The following SPAG17 variants were observed in gnomAD, a reference collection of about 807,000 sequenced individuals.
SPAG17 encodes sperm associated antigen 17.
SPAG17 carries 169 observed loss-of-function variants against 273.6 expected under a neutral mutation model. The ratio of observed to expected loss-of-function variants is 0.62; its 90% CI spans 0.55 to 0.70. The LOEUF is 0.70. SPAG17 is among the 30% of genes least tolerant of loss of function. The probability of loss-of-function intolerance (pLI) is 0.00; values close to 1 mark genes in which losing one functional copy is unlikely to be tolerated. For synonymous variants in SPAG17, 825 were observed against 873.2 expected (o/e 0.94, Z 0.97); for missense variants, 2,557 against 2,627.8 (o/e 0.97, Z 0.59).
chr1:117,988,394 A>G (rs1375670776), intron 38 of SPAG17, among the ~76,000 whole-genome samples, 190 bp from the exon 39 acceptor site: 1 of 152,244 alleles, frequency 6.6e-6, no homozygotes, highest in East Asian at 1.9e-4. Context: ...ATATCCTACT[A>G]GAAAACACAC....
chr1:118,150,942 T>A (rs1042437648), intron 2 of SPAG17, among the ~76,000 whole-genome samples: 2 of 152,202 alleles, frequency 1.3e-5, no homozygotes, highest in Admixed American at 1.3e-4. Context: ...TCTTTTATAA[T>A]TATTTAACTT....
intron 3 of SPAG17, among the ~76,000 whole-genome samples, chr1:118,147,373 G>C (rs1364752341): frequency 6.6e-6 from 1 of 152,176 alleles, no homozygotes; most frequent in Non-Finnish European, 1.5e-5. Flanking sequence ...GTGGGAAATG[G>C]TGCTTATATG....
intron 3 of SPAG17, among the ~76,000 whole-genome samples, chr1:118,140,039 G>A (rs1422964717): frequency 7.2e-5 from 11 of 152,138 alleles, no homozygotes; most frequent in Admixed American, 3.9e-4. Context: ...CCCCCTTGCC[G>A]TGTGATTTCC....
Position 118,115,478 on chromosome 1 carries a change from T to A in SPAG17, c.316-37A>T. 4.4e-6 allele frequency: 7 copies of A among 1,590,784 alleles called. No individual in the cohort carries two copies. The South Asian group carries it at 8.0e-5, about 18-fold the overall frequency. ...CACAATTATTAGAAAAAGTGATGTT[T>A]TATAACCTTTGGCACAGTCTGTCAG... On this transcript the variant is annotated intron_variant, in intron 3 of 48. Transcript: ENST00000336338.
Position 118,125,012 on chromosome 1 carries a change from A to C in SPAG17, c.316-9571T>G, listed in dbSNP as rs1018417592. Reference sequence around the variant, plus strand: ...AGCTGCAAGAGCCTGAGAGCCTTTTAGCCCAGGTTTTTATGTTTAAATATT... The same window carrying C: ...AGCTGCAAGAGCCTGAGAGCCTTTTCGCCCAGGTTTTTATGTTTAAATATT... On this transcript the variant is annotated intron_variant, in intron 3 of 48. Transcript: ENST00000336338. Among the ~76,000 whole-genome samples the C allele has an allele frequency of 1.4e-4, 22 of 152,032 alleles. 1 individual carries two copies. The highest frequency in any genetic ancestry group is 2.4e-5 in the African/African-American group (1 of 41,380).
At chr1:117,955,327 G>A (rs768558004) in intron 48 of SPAG17, 2 of 1,612,210 alleles carry the variant, frequency 1.2e-6, no homozygotes, top group African/African-American at 1.3e-5. Context: ...TTCAGCTTAT[G>A]TATTAGAGAT....
rs1340133590 is a variant in SPAG17 at position 118,066,644 on chromosome 1, C to A, written c.2540+101G>T. 7 of 909,714 alleles carry A rather than the reference C, an allele frequency of 7.7e-6. No individual in the cohort carries two copies. The East Asian group carries it at 1.7e-4, about 23-fold the overall frequency. The allele number at this position is 909,714 out of a possible 1,614,324, so 56.4% of individuals were successfully genotyped here. The stretch of plus-strand genomic sequence containing the variant: ...ACACAAATGTTTTCATTGAGCTGAA[C>A]CCCCTAGCTTAGGGTAAGGAACTAA... On this transcript the variant is annotated intron_variant, in intron 18 of 48. Coordinates refer to ENST00000336338, the MANE Select transcript of SPAG17 (RefSeq NM_206996.4).
intron 10 of SPAG17, among the ~76,000 whole-genome samples, 160 bp downstream of exon 10, chr1:118,091,446 T>C (rs373042847): frequency 6.6e-6 from 1 of 152,216 alleles, no homozygotes; most frequent in East Asian, 1.9e-4. Flanking sequence ...AAGCTGAAGA[T>C]TTAAGCAGAC....
chr1:118,150,512 A>C (rs774423205), intron 3 of SPAG17, 31 bp downstream of exon 3: 1 of 1,263,126 alleles, frequency 7.9e-7, no homozygotes, highest in East Asian at 2.6e-5. Context: ...CTAAAAACAC[A>C]AAAATATCTT....
In SPAG17 at chr1:118,012,256, T is replaced by C. The variant is rs910736632; in HGVS notation, c.4404A>G (p.Gln1468=). Residue 1468 remains glutamine, a synonymous_variant, in exon 30 of 49, where the codon CAA becomes CAG. Transcript: ENST00000336338. ...ITTFYQVYED[Q]IILPDDQETT... ...TTTCTTGATCATCTGGCAGAATAAT[T>C]TGATCTTCATAAACTTGATAAAAGG... The C allele has an allele frequency of 3.1e-6, 5 of 1,613,258 alleles. No individual in the cohort carries two copies. The African/African-American group carries it at 4.0e-5, about 13-fold the overall frequency.
chr1:118,104,129 A>C (rs535923140), intron 4 of SPAG17, among the ~76,000 whole-genome samples: 1 of 152,350 alleles, frequency 6.6e-6, no homozygotes, highest in East Asian at 1.9e-4. Flanking sequence ...ACTAGTAAGG[A>C]AACTCTCGCA....
At chr1:118,099,214 G>C (rs1342953809) in intron 6 of SPAG17, among the ~76,000 whole-genome samples, 2 of 152,130 alleles carry the variant, frequency 1.3e-5, no homozygotes, top group Non-Finnish European at 2.9e-5. Flanking sequence ...AAGAATCTAA[G>C]GCTGTGACCT....
intron 20 of SPAG17, among the ~76,000 whole-genome samples, chr1:118,045,841 C>G (rs1457563344): frequency 2.0e-5 from 3 of 152,004 alleles, no homozygotes; most frequent in African/African-American, 7.3e-5. Flanking sequence ...AGTTGGTGTT[C>G]GGAAAGTTGC....
At chr1:118,062,346 G>A (rs866839316) in intron 18 of SPAG17, among the ~76,000 whole-genome samples, 60 of 96,698 alleles carry the variant, frequency 6.2e-4, no homozygotes, top group Admixed American at 3.8e-3. Flanking sequence ...CAGCCTGGGC[G>A]ACAGAGCGAG....
chr1:118,034,624 G>A (rs1648859719), intron 24 of SPAG17, among the ~76,000 whole-genome samples: 1 of 152,194 alleles, frequency 6.6e-6, no homozygotes, highest in South Asian at 2.1e-4. Context: ...CACATGTCAG[G>A]AGAAAGTATT....
chr1:118,102,513 T>G (rs940332118), intron 4 of SPAG17, among the ~76,000 whole-genome samples: 6 of 152,216 alleles, frequency 3.9e-5, no homozygotes, highest in African/African-American at 1.2e-4. Context: ...ATAATCCTAC[T>G]GAAGAATGTG....
At chr1:118,062,387 A>AAAAAAAAAAAAAT (rs1652426393) in intron 18 of SPAG17, among the ~76,000 whole-genome samples, 1 of 147,656 alleles carries the variant, frequency 6.8e-6, no homozygotes, top group African/African-American at 2.5e-5. Context: ...AAAAAAAAAA[A>AAAAAAAAAAAAAT]TTAAAGAAAA....
chr1:118,095,107 T>A (rs1655623900), intron 7 of SPAG17, among the ~76,000 whole-genome samples: 1 of 152,206 alleles, frequency 6.6e-6, no homozygotes, highest in Admixed American at 6.5e-5. Context: ...TTTCTGAACT[T>A]TAATTGCCAT....
At chr1:118,151,911 G>T (rs1483085822) in intron 1 of SPAG17, among the ~76,000 whole-genome samples, 1 of 152,082 alleles carries the variant, frequency 6.6e-6, no homozygotes, top group East Asian at 1.9e-4. Flanking sequence ...CAAGAAATGG[G>T]CAAAAATATT....
Sources: gnomAD v4.1 joint callset for allele counts (sites outside exome capture counted in the v4.1 genomes callset) on GRCh38, gnomAD v4.1.1 for gene constraint, MANE v1.5 for transcripts, NCBI Gene and HGNC (gene_info 2026-07-23, HGNC 2026-07-21) for gene names.